The following NARS2 variants were observed in gnomAD, a reference collection of about 807,000 sequenced individuals.
The protein encoded by NARS2 is asparaginyl-tRNA synthetase.
Under a neutral mutation model 62.9 loss-of-function variants are expected in NARS2, and 60 were observed. The observed-to-expected ratio is 0.95, with a 90% CI of 0.77 to 1.18. The LOEUF is 1.18. Among genes scored for constraint, NARS2 ranks in the 50% most tolerant of loss-of-function variants. NARS2 has a pLI of 0.00. For missense variants in NARS2, 619 were observed against 576.4 expected, an observed-to-expected ratio of 1.07 and a Z score of -0.76; for synonymous variants, 196 against 200.0, an observed-to-expected ratio of 0.98 and a Z score of 0.17.
chr11:78,481,833 G>C (rs564438227), intron 7 of NARS2, among the ~76,000 whole-genome samples: 8 of 152,296 alleles, frequency 5.3e-5, no homozygotes, highest in Middle Eastern at 6.8e-3. Flanking sequence ...AGAAAATTAA[G>C]AGACGCAGAT....
At chr11:78,447,919 G>A (rs1253262352) in intron 11 of NARS2, among the ~76,000 whole-genome samples, 1 of 152,044 alleles carries the variant, frequency 6.6e-6, no homozygotes. Flanking sequence ...GGGAGACAGG[G>A]GAATGAGTTA....
intron 10 of NARS2, among the ~76,000 whole-genome samples, chr11:78,467,983 A>C (rs979751107): frequency 4.6e-5 from 7 of 151,436 alleles, no homozygotes; most frequent in African/African-American, 1.7e-4. Context: ...TGTTGGGATT[A>C]CAGGTGTGAA....
intron 9 of NARS2, among the ~76,000 whole-genome samples, chr11:78,478,167 G>C (rs976989012): frequency 1.3e-5 from 2 of 151,942 alleles, no homozygotes; most frequent in African/African-American, 4.8e-5. Context: ...ATAGTTAATA[G>C]TTACTAGATT....
At chr11:78,480,592 T>C (rs116128455) in intron 7 of NARS2, among the ~76,000 whole-genome samples, 1,596 of 147,922 alleles carry the variant, frequency 0.011, 34 homozygotes, top group African/African-American at 0.04. Context: ...CATTTATTTT[T>C]CCAACCAACA....
At chr11:78,454,248 T>C (rs1227448048) in intron 11 of NARS2, among the ~76,000 whole-genome samples, 1 of 152,172 alleles carries the variant, frequency 6.6e-6, no homozygotes, top group East Asian at 1.9e-4. Context: ...TAGACTGATA[T>C]GGTTTGGATA....
At chr11:78,527,057 A>T (rs1476306532) in intron 6 of NARS2, among the ~76,000 whole-genome samples, 2 of 152,174 alleles carry the variant, frequency 1.3e-5, no homozygotes, top group African/African-American at 4.8e-5. Context: ...GTGAAGTTAC[A>T]CGCTAATTTA....
chr11:78,506,592 T>TGG (rs1860507434), intron 6 of NARS2, among the ~76,000 whole-genome samples: 1 of 152,156 alleles, frequency 6.6e-6, no homozygotes, highest in Admixed American at 6.5e-5. Flanking sequence ...TGGAGTGCAG[T>TGG]GGTGCAATCT....
At chr11:78,550,193 C>G (rs555772071) in intron 5 of NARS2, among the ~76,000 whole-genome samples, 49 of 152,278 alleles carry the variant, frequency 3.2e-4, no homozygotes, top group African/African-American at 1.2e-3. Context: ...TCAAGCAGGC[C>G]ACTTTTAATC....
intron 5 of NARS2, among the ~76,000 whole-genome samples, chr11:78,542,377 G>A (rs955285399): frequency 2.0e-5 from 3 of 152,160 alleles, no homozygotes; most frequent in African/African-American, 7.2e-5. Context: ...ATGTAAAATT[G>A]CAAAACAGCA....
chr11:78,490,004 A>G (rs1859747266), intron 7 of NARS2, among the ~76,000 whole-genome samples: 2 of 152,164 alleles, frequency 1.3e-5, no homozygotes, highest in Admixed American at 6.5e-5. Flanking sequence ...GCACCACTGC[A>G]CTCCAGCCTA....
At chr11:78,517,450 T>C (rs1860955443) in intron 6 of NARS2, among the ~76,000 whole-genome samples, 1 of 152,208 alleles carries the variant, frequency 6.6e-6, no homozygotes, top group African/African-American at 2.4e-5. Flanking sequence ...ACAAGAGCAA[T>C]ACTTTGACTA....
At chr11:78,451,724 T>C (rs1857978523) in intron 11 of NARS2, among the ~76,000 whole-genome samples, 1 of 152,214 alleles carries the variant, frequency 6.6e-6, no homozygotes, top group Non-Finnish European at 1.5e-5. Context: ...CATAAAGCAT[T>C]AGGTGCTACA....
chr11:78,540,208 G>A (rs901383454), intron 5 of NARS2, among the ~76,000 whole-genome samples: 1 of 152,202 alleles, frequency 6.6e-6, no homozygotes, highest in African/African-American at 2.4e-5. Context: ...TTTTTTTAAT[G>A]TGTGTATCCC....
intron 5 of NARS2, among the ~76,000 whole-genome samples, chr11:78,539,900 A>G (rs1310193802): frequency 6.6e-6 from 1 of 152,198 alleles, no homozygotes; most frequent in Non-Finnish European, 1.5e-5. Context: ...GCTATCTGAT[A>G]AACAAAGTCA....
intron 1 of NARS2, chr11:78,572,984 G>T (rs1856985766): frequency 1.3e-5 from 2 of 152,272 alleles, no homozygotes; most frequent in African/African-American, 4.8e-5. Context: ...GGACTAAACT[G>T]AAATCCTCTA....
chr11:78,558,400 C>CATT (rs1370007186), intron 5 of NARS2: 1 of 152,188 alleles, frequency 6.6e-6, no homozygotes, highest in Non-Finnish European at 1.5e-5. Flanking sequence ...GCACCACCAC[C>CATT]ATTATTAAGA....
intron 10 of NARS2, among the ~76,000 whole-genome samples, chr11:78,467,186 T>TC (rs1858655907): frequency 6.6e-6 from 1 of 152,206 alleles, no homozygotes; most frequent in Non-Finnish European, 1.5e-5. Context: ...GAGTTTTGCC[T>TC]CCAACATTAT....
intron 3 of NARS2, among the ~76,000 whole-genome samples, chr11:78,567,843 A>AC (rs1856796397): frequency 6.6e-6 from 1 of 152,218 alleles, no homozygotes; most frequent in Non-Finnish European, 1.5e-5. Flanking sequence ...GCAAAAACAC[A>AC]GAGGATTCAA....
chr11:78,502,243 GA>G (rs1860307046), intron 6 of NARS2, among the ~76,000 whole-genome samples: 1 of 152,182 alleles, frequency 6.6e-6, no homozygotes, highest in Non-Finnish European at 1.5e-5. Context: ...TTAAACAACA[GA>G]AATTAATTTT....
Sources: gnomAD v4.1 joint callset for allele counts (sites outside exome capture counted in the v4.1 genomes callset) on GRCh38, gnomAD v4.1.1 for gene constraint, MANE v1.5 for transcripts, NCBI Gene and HGNC (gene_info 2026-07-23, HGNC 2026-07-21) for gene names.